KIF16B: variants seen among roughly 807,000 people sequenced by gnomAD.
KIF16B encodes the protein kinesin family member 16B.
A neutral mutation model predicts 156.3 loss-of-function variants in KIF16B; 98 were observed. That is an observed-to-expected ratio of 0.63 (90% confidence interval 0.53 to 0.74). The LOEUF is 0.74. Among genes scored for constraint, KIF16B ranks in the 30% least tolerant of loss-of-function variants. The probability of loss-of-function intolerance (pLI) is 0.00; values close to 1 mark genes in which losing one functional copy is unlikely to be tolerated. For synonymous variants in KIF16B, 564 were observed against 583.7 expected (o/e 0.97, Z 0.49); for missense variants, 1,421 against 1,606.5 (o/e 0.88, Z 1.97).
chr20:16,277,844 T>C (rs542102311), intron 25 of KIF16B, among the ~76,000 whole-genome samples: 1 of 152,248 alleles, frequency 6.6e-6, no homozygotes, highest in South Asian at 2.1e-4. Flanking sequence ...TTCTCCATTA[T>C]AAAAAGAAAT....
At chr20:16,493,946 GC>G in intron 12 of KIF16B, among the ~76,000 whole-genome samples, 1 of 152,120 alleles carries the variant, frequency 6.6e-6, no homozygotes, top group Non-Finnish European at 1.5e-5. Context: ...TTTGATATTG[GC>G]TTTAACAAAA....
intron 12 of KIF16B, among the ~76,000 whole-genome samples, chr20:16,455,072 C>T (rs1690883888): frequency 6.6e-6 from 1 of 152,138 alleles, no homozygotes; most frequent in Non-Finnish European, 1.5e-5. Context: ...GAATGTCTGT[C>T]GTTAACTGAA....
At chr20:16,491,527 T>C (rs2068291226) in intron 12 of KIF16B, among the ~76,000 whole-genome samples, 1 of 152,168 alleles carries the variant, frequency 6.6e-6, no homozygotes, top group African/African-American at 2.4e-5. Context: ...ACTTTCAAAA[T>C]AACTCAGAAC....
At chr20:16,431,913 TAC>T (rs74175693) in intron 12 of KIF16B, among the ~76,000 whole-genome samples, 10,158 of 143,624 alleles carry the variant, frequency 0.071, 459 homozygotes, top group Middle Eastern at 0.1. Context: ...TGTATACGTA[TAC>T]ACACACACAC....
intron 15 of KIF16B, among the ~76,000 whole-genome samples, chr20:16,410,176 T>G (rs188409057): frequency 6.9e-6 from 1 of 144,914 alleles, no homozygotes; most frequent in Non-Finnish European, 1.5e-5. Context: ...GGTACATATA[T>G]ATATGTAGGT....
intron 6 of KIF16B, among the ~76,000 whole-genome samples, chr20:16,510,261 C>A (rs1032381062): frequency 6.6e-6 from 1 of 152,156 alleles, no homozygotes; most frequent in East Asian, 1.9e-4. Flanking sequence ...AAACTCTTAA[C>A]AGTAATAGCT....
At position 16,504,494 on chromosome 20, in the gene KIF16B, C is replaced by T. The variant is rs1456546952; in HGVS notation, c.1054G>A (p.Ala352Thr). Reference protein sequence around the residue: ...YGETLSTLRYANRAKNIINKP... With the variant: ...YGETLSTLRYTNRAKNIINKP... ...TTGATGATGTTTTTGGCTCTATTTG[C>T]ATAGCGAAGAGTACTTAGGGTTTCT... The change falls in exon 10 of 26, where the codon GCA (alanine) becomes ACA (threonine). Residue 352 changes from alanine to threonine, a missense_variant. Coordinates refer to ENST00000354981, the MANE Select transcript of KIF16B (RefSeq NM_024704.5). 2.5e-6 allele frequency: 4 copies of T among 1,613,994 alleles called. No individual in the cohort carries two copies. The highest frequency in any genetic ancestry group is 3.4e-6 in the Non-Finnish European group (4 of 1,179,936).
intron 3 of KIF16B, among the ~76,000 whole-genome samples, chr20:16,519,027 A>G (rs1379592629): frequency 2.6e-5 from 4 of 152,184 alleles, no homozygotes; most frequent in Non-Finnish European, 4.4e-5. Context: ...TTAAAAGTCA[A>G]TTAGGTCTAC....
intron 25 of KIF16B, among the ~76,000 whole-genome samples, chr20:16,300,764 G>A (rs891310472): frequency 6.6e-6 from 1 of 152,034 alleles, no homozygotes; most frequent in Admixed American, 6.6e-5. Flanking sequence ...CAAATATGCA[G>A]AGCCTCCCCC....
chr20:16,378,966 C>T lies in KIF16B; in HGVS notation c.3036G>A (p.Leu1012=). The T allele has an allele frequency of 6.2e-7, 1 of 1,614,132 alleles. No individual in the cohort carries two copies. Among genetic ancestry groups the T allele is most frequent in the Non-Finnish European group, 8.5e-7 (1 of 1,179,978 alleles). ...REALERALAR[L]ERRHSALQRH... Reference sequence around the variant, plus strand: ...TCTGCAGCGCAGAATGTCTCCTCTCCAGCCTGGCCAGGGCCCGCTCCAGCG... The same window carrying T: ...TCTGCAGCGCAGAATGTCTCCTCTCTAGCCTGGCCAGGGCCCGCTCCAGCG... Residue 1012 remains leucine (L), a synonymous_variant, in exon 19 of 26, where the codon CTG becomes CTA. Transcript: ENST00000354981.
intron 12 of KIF16B, among the ~76,000 whole-genome samples, chr20:16,481,419 G>C (rs1373685709): frequency 6.6e-6 from 1 of 152,008 alleles, no homozygotes; most frequent in Non-Finnish European, 1.5e-5. Flanking sequence ...TCAAACTCCT[G>C]GCCTCAAGCA....
intron 1 of KIF16B, among the ~76,000 whole-genome samples, chr20:16,548,239 C>T (rs1337712980): frequency 2.0e-5 from 3 of 152,202 alleles, no homozygotes; most frequent in African/African-American, 7.2e-5. Context: ...GTCTTGCCTG[C>T]TCTACCACGT....
At chr20:16,549,014 T>TG (rs2070524612) in intron 1 of KIF16B, among the ~76,000 whole-genome samples, 1 of 140,538 alleles carries the variant, frequency 7.1e-6, no homozygotes, top group Admixed American at 7.2e-5. Context: ...ATTTTCGGTT[T>TG]TTTTTTTTTA....
chr20:16,506,136 C>T lies in KIF16B; in HGVS notation c.754G>A (p.Asp252Asn). ...CETVSKIHLV[D>N]LAGSERADAT... ...TCTGCACGCTCACTTCCGGCAAGAT[C>T]AACCAAGTGGATCTTACTGACGGTT... is the stretch of plus-strand genomic sequence containing the variant. Residue 252 changes from aspartate to asparagine, a missense_variant, in exon 8 of 26, where the codon GAT becomes AAT. By Grantham distance (23) the Asp-to-Asn change is conservative. Coordinates refer to ENST00000354981, the MANE Select transcript of KIF16B (RefSeq NM_024704.5). The T allele has an allele frequency of 6.2e-7, 1 of 1,614,140 alleles. No individual in the cohort carries two copies. Among genetic ancestry groups the T allele is most frequent in the Non-Finnish European group, 8.5e-7 (1 of 1,180,008 alleles).
At chr20:16,366,078 GGA>G (rs2064658767) in intron 22 of KIF16B, among the ~76,000 whole-genome samples, 14 of 151,502 alleles carry the variant, frequency 9.2e-5, no homozygotes, top group African/African-American at 3.4e-4. Flanking sequence ...GGACAGAGGG[GGA>G]CAGAGAGGAA....
intron 15 of KIF16B, among the ~76,000 whole-genome samples, chr20:16,419,166 G>A (rs2066164875): frequency 6.6e-6 from 1 of 152,104 alleles, no homozygotes; most frequent in Non-Finnish European, 1.5e-5. Context: ...GGTATAGTCT[G>A]TTAAGAAGAG....
intron 12 of KIF16B, among the ~76,000 whole-genome samples, chr20:16,435,207 T>C (rs892775712): frequency 6.6e-6 from 1 of 152,204 alleles, no homozygotes; most frequent in African/African-American, 2.4e-5. Context: ...TTAAGCACCA[T>C]TACCTGAATC....
intron 3 of KIF16B, among the ~76,000 whole-genome samples, chr20:16,517,092 C>T (rs2069168779): frequency 6.6e-6 from 1 of 152,154 alleles, no homozygotes; most frequent in African/African-American, 2.4e-5. Flanking sequence ...ATCTCCATCT[C>T]AGCTGCACCT....
intron 24 of KIF16B, among the ~76,000 whole-genome samples, chr20:16,335,557 C>T (rs1452196106): frequency 6.6e-6 from 1 of 151,984 alleles, no homozygotes; most frequent in African/African-American, 2.4e-5. Context: ...AAGTGTAAAT[C>T]TATATGAAGA....
Sources: allele counts gnomAD v4.1 joint callset (sites outside exome capture counted in the v4.1 genomes callset), GRCh38; gene constraint gnomAD v4.1.1; transcripts MANE v1.5; gene names NCBI Gene and HGNC (gene_info 2026-07-23, HGNC 2026-07-21).